Variants in FHIP1A observed in about 807,000 individuals in gnomAD.
The protein encoded by FHIP1A is FHF complex subunit HOOK-interacting protein 1A.
FHIP1A carries 61 observed loss-of-function variants against 88.6 expected under a neutral mutation model. The observed-to-expected ratio is 0.69, with a 90% CI of 0.56 to 0.85. The LOEUF is 0.85. Among genes scored for constraint, FHIP1A ranks in the 40% least tolerant of loss-of-function variants. FHIP1A has a pLI of 0.00. For missense variants in FHIP1A, 1,154 were observed against 1,273.5 expected (o/e 0.91, Z 1.43); for synonymous variants, 478 against 496.0 (o/e 0.96, Z 0.48).
chr4:151,439,759 A>G (rs1267485545), intron 1 of FHIP1A, among the ~76,000 whole-genome samples: 1 of 152,230 alleles, frequency 6.6e-6, no homozygotes, highest in Non-Finnish European at 1.5e-5. Context: ...TGGAAAAGGC[A>G]TTAACCAAAC....
intron 3 of FHIP1A, among the ~76,000 whole-genome samples, chr4:151,522,162 C>T (rs1430745351): frequency 6.6e-6 from 1 of 152,172 alleles, no homozygotes; most frequent in Non-Finnish European, 1.5e-5. Context: ...TGAAAGAACA[C>T]AATGAAGTGA....
In FHIP1A at chr4:151,650,054, G is replaced by A. The variant is rs1310366710; in HGVS notation, c.2013G>A (p.Gln671=). The A allele has an allele frequency of 2.6e-6, 4 of 1,551,668 alleles. No homozygotes were observed. In the Admixed American group the frequency reaches 5.9e-5, roughly 23 times the overall value. Residue 671 remains glutamine, a synonymous_variant, in exon 11 of 14, where the codon CAG becomes CAA. Coordinates refer to ENST00000435205, the MANE Select transcript of FHIP1A (RefSeq NM_001109977.3). Reference sequence around the variant, plus strand: ...CTGCTAGGCCACCAGCTGAAGCCCAGGCTGAAGTTCAGAGTGTCCCCATCA... The same window carrying A: ...CTGCTAGGCCACCAGCTGAAGCCCAAGCTGAAGTTCAGAGTGTCCCCATCA... ...EEAARPPAEA[Q]AEVQSVPINN... is the part of the protein sequence containing the mutation.
chr4:151,409,569 C>G (rs1732518523), intron 1 of FHIP1A, 104 bp downstream of exon 1: 1 of 152,600 alleles, frequency 6.6e-6, no homozygotes, highest in African/African-American at 2.4e-5. Flanking sequence ...CATCCGCCAA[C>G]TGGGCAGGGG....
At chr4:151,461,425 C>G (rs555044331) in intron 2 of FHIP1A, among the ~76,000 whole-genome samples, 1 of 152,078 alleles carries the variant, frequency 6.6e-6, no homozygotes, top group East Asian at 1.9e-4. Flanking sequence ...CGTGACAATA[C>G]CATGGTAGGA....
chr4:151,636,340 T>G (rs1461822786), intron 8 of FHIP1A, among the ~76,000 whole-genome samples: 3 of 152,036 alleles, frequency 2.0e-5, no homozygotes, highest in Non-Finnish European at 4.4e-5. Context: ...AGAATGTTTT[T>G]CACTAAGATA....
At chr4:151,521,993 TG>T (rs1314121461) in intron 3 of FHIP1A, among the ~76,000 whole-genome samples, 1 of 152,220 alleles carries the variant, frequency 6.6e-6, no homozygotes, top group Non-Finnish European at 1.5e-5. Context: ...CCCAAAGTGC[TG>T]GGATTACAGG....
intron 3 of FHIP1A, among the ~76,000 whole-genome samples, chr4:151,491,645 A>G (rs1456241433): frequency 6.6e-6 from 1 of 152,188 alleles, no homozygotes; most frequent in Non-Finnish European, 1.5e-5. Flanking sequence ...CTCATATCTC[A>G]ATACTAACGT....
At chr4:151,446,581 C>CTT in intron 1 of FHIP1A, among the ~76,000 whole-genome samples, 1 of 109,982 alleles carries the variant, frequency 9.1e-6, no homozygotes, top group Admixed American at 9.8e-5. Context: ...TGTTCTTTTT[C>CTT]TTTTTTTTTT....
chr4:151,571,884 C>T (rs555104220), intron 4 of FHIP1A, among the ~76,000 whole-genome samples: 2 of 152,322 alleles, frequency 1.3e-5, no homozygotes, highest in African/African-American at 4.8e-5. Flanking sequence ...ATGGCCGAGG[C>T]ATTAACTTGC....
chr4:151,662,411 G>A, intron 13 of FHIP1A, 90 bp from the exon 14 acceptor site: 1 of 1,371,508 alleles, frequency 7.3e-7, no homozygotes, highest in Non-Finnish European at 9.7e-7. Context: ...ATACTCTCCA[G>A]CAACTCTGCC....
At chr4:151,413,760 T>G (rs1325240008) in intron 1 of FHIP1A, among the ~76,000 whole-genome samples, 1 of 151,608 alleles carries the variant, frequency 6.6e-6, no homozygotes, top group Non-Finnish European at 1.5e-5. Flanking sequence ...TGGCCTCATA[T>G]GTATTACTTA....
In FHIP1A at chr4:151,638,874, A is replaced by C. The variant is rs554228682; in HGVS notation, c.1226+118A>C. 228 of 468,642 alleles carry C rather than the reference A, an allele frequency of 4.9e-4. 3 individuals are homozygous for C. In the South Asian group the frequency reaches 0.014, roughly 28 times the overall value. The allele number at this position is 468,642 out of a possible 1,614,324, so 29.0% of individuals were successfully genotyped here. ...ATTACTTTGGTTGTATAAGCTAAAA[A>C]GGCGCCAAGCATCTAAGGAAGAAAA... is the stretch of plus-strand genomic sequence containing the variant. On this transcript the variant is annotated intron_variant, in intron 9 of 13. Transcript: ENST00000435205.
At chr4:151,646,223 A>G (rs1460525678) in intron 9 of FHIP1A, among the ~76,000 whole-genome samples, 1 of 152,218 alleles carries the variant, frequency 6.6e-6, no homozygotes, top group Non-Finnish European at 1.5e-5. Flanking sequence ...GTAGAATGAA[A>G]GGCATTGGTC....
At chr4:151,452,594 T>A (rs951172572) in intron 1 of FHIP1A, among the ~76,000 whole-genome samples, 4 of 152,008 alleles carry the variant, frequency 2.6e-5, no homozygotes, top group Admixed American at 2.0e-4. Flanking sequence ...CATATCTGTA[T>A]CTGTCTATAT....
chr4:151,427,854 G>C (rs1733445343), intron 1 of FHIP1A, among the ~76,000 whole-genome samples: 1 of 152,128 alleles, frequency 6.6e-6, no homozygotes. Flanking sequence ...CGAAGGAATA[G>C]ATCTAAATCA....
chr4:151,615,888 G>A (rs944662921), intron 7 of FHIP1A, among the ~76,000 whole-genome samples: 34 of 152,202 alleles, frequency 2.2e-4, no homozygotes, highest in African/African-American at 8.0e-4. Context: ...TGGACACCCA[G>A]AAAAGGAAAG....
chr4:151,459,104 C>T (rs1289591118), intron 2 of FHIP1A, among the ~76,000 whole-genome samples: 1 of 152,070 alleles, frequency 6.6e-6, no homozygotes, highest in African/African-American at 2.4e-5. Flanking sequence ...AACATAAACC[C>T]TGGGAAACAC....
At chr4:151,658,666 G>C (rs1346952500) in intron 13 of FHIP1A, among the ~76,000 whole-genome samples, 1 of 152,202 alleles carries the variant, frequency 6.6e-6, no homozygotes, top group Non-Finnish European at 1.5e-5. Context: ...CCCACCTCTT[G>C]ATGGGAAGAG....
At chr4:151,481,142 A>G (rs1392134417) in intron 2 of FHIP1A, among the ~76,000 whole-genome samples, 1 of 152,054 alleles carries the variant, frequency 6.6e-6, no homozygotes, top group Non-Finnish European at 1.5e-5. Context: ...ATTTGTAACT[A>G]TATCAGAAGA....
Sources: gnomAD v4.1 joint callset for allele counts (sites outside exome capture counted in the v4.1 genomes callset) on GRCh38, gnomAD v4.1.1 for gene constraint, MANE v1.5 for transcripts, NCBI Gene and HGNC (gene_info 2026-07-23, HGNC 2026-07-21) for gene names.